ARHGEF4: variants seen among roughly 807,000 people sequenced by gnomAD.
ARHGEF4 encodes APC-stimulated guanine nucleotide exchange factor 1.
ARHGEF4 carries 119 observed loss-of-function variants against 162.0 expected under a neutral mutation model. The ratio of observed to expected loss-of-function variants is 0.73; its 90% confidence interval spans 0.63 to 0.86. The LOEUF is 0.86. ARHGEF4 is among the 40% of genes least tolerant of loss of function. The pLI is 0.00. For missense variants in ARHGEF4, 2,488 were observed against 2,456.0 expected (o/e 1.01, Z -0.28); for synonymous variants, 1,014 against 979.9 (o/e 1.03, Z -0.65).
chr2:130,873,370 C>CTT (rs1678615249), intron 1 of ARHGEF4, among the ~76,000 whole-genome samples: 1 of 152,090 alleles, frequency 6.6e-6, no homozygotes, highest in African/African-American at 2.4e-5. Context: ...GGGTGGATCA[C>CTT]CTGAGATCAG....
chr2:130,894,469 C>T (rs772160280), intron 1 of ARHGEF4, among the ~76,000 whole-genome samples: 49 of 152,108 alleles, frequency 3.2e-4, no homozygotes, highest in Non-Finnish European at 1.6e-4. Context: ...AGTAAACAAG[C>T]ACGGAGACAC....
chr2:130,855,279 TA>T (rs200744319), intron 1 of ARHGEF4, among the ~76,000 whole-genome samples: 2,307 of 152,096 alleles, frequency 0.015, 91 homozygotes, highest in East Asian at 0.15. Context: ...AGGAAGCTGG[TA>T]GGTTCATGAG....
intron 4 of ARHGEF4, among the ~76,000 whole-genome samples, chr2:130,964,770 T>G (rs1298759920): frequency 6.6e-6 from 1 of 152,236 alleles, no homozygotes; most frequent in African/African-American, 2.4e-5. Flanking sequence ...CAGCTGGTCC[T>G]GGACCCCTCT....
chr2:130,991,595 G>A (rs907824559), intron 4 of ARHGEF4, among the ~76,000 whole-genome samples: 4 of 152,366 alleles, frequency 2.6e-5, no homozygotes, highest in African/African-American at 9.6e-5. Context: ...CCGGGCCAGC[G>A]GCTGCAGAGG....
chr2:130,900,945 C>T (rs943766618), intron 1 of ARHGEF4, among the ~76,000 whole-genome samples: 11 of 152,136 alleles, frequency 7.2e-5, no homozygotes, highest in African/African-American at 2.7e-4. Context: ...CTCGCTTCTG[C>T]TTGGGCCTTC....
chr2:130,951,267 T>G (rs1683943274), intron 4 of ARHGEF4, among the ~76,000 whole-genome samples: 1 of 152,222 alleles, frequency 6.6e-6, no homozygotes, highest in South Asian at 2.1e-4. Flanking sequence ...ACTTGGCTGT[T>G]TGGCTTGAGA....
chr2:131,004,107 T>C (rs1687951040), intron 4 of ARHGEF4, among the ~76,000 whole-genome samples: 1 of 152,116 alleles, frequency 6.6e-6, no homozygotes. Flanking sequence ...GCCAGTGTGG[T>C]GCAGGCCTTC....
chr2:130,954,271 G>A (rs1684133222), intron 4 of ARHGEF4, among the ~76,000 whole-genome samples: 1 of 152,210 alleles, frequency 6.6e-6, no homozygotes, highest in African/African-American at 2.4e-5. Context: ...GATGAAGCTG[G>A]AAACCATCAT....
intron 1 of ARHGEF4, among the ~76,000 whole-genome samples, chr2:130,885,385 C>T (rs181530405): frequency 3.9e-4 from 59 of 151,132 alleles, no homozygotes; most frequent in African/African-American, 1.3e-3. Context: ...TGAGCCACCG[C>T]GCCCGGCCTA....
intron 3 of ARHGEF4, among the ~76,000 whole-genome samples, chr2:130,944,141 G>A (rs1260653556): frequency 6.6e-6 from 1 of 152,190 alleles, no homozygotes; most frequent in Non-Finnish European, 1.5e-5. Context: ...AAAATCTGCA[G>A]TCATGCAAAT....
At chr2:130,985,137 A>G (rs1449298605) in intron 4 of ARHGEF4, among the ~76,000 whole-genome samples, 3 of 152,152 alleles carry the variant, frequency 2.0e-5, no homozygotes, top group Admixed American at 6.6e-5. Context: ...CTTTGGATGT[A>G]GAGGTGCTTC....
In ARHGEF4 at chr2:131,038,835, C is replaced by T; in HGVS notation, c.4126-18C>T. ...CAGCCTCCCCCACTGACCCGCCTGC[C>T]CGTGGCTCTCTCGGCAGCTCATCAG... On this transcript the variant is annotated intron_variant, in intron 5 of 13. Coordinates refer to ENST00000409359, the MANE Select transcript of ARHGEF4 (RefSeq NM_001367493.1). 1 of 1,591,572 alleles carries T rather than the reference C, an allele frequency of 6.3e-7. No homozygotes were observed. Among genetic ancestry groups the T allele is most frequent in the Non-Finnish European group, 8.6e-7 (1 of 1,166,746 alleles).
chr2:130,838,099 C>T (rs1190375857), intron 1 of ARHGEF4, among the ~76,000 whole-genome samples: 4 of 152,142 alleles, frequency 2.6e-5, no homozygotes, highest in Non-Finnish European at 4.4e-5. Context: ...GCCGGACAGC[C>T]GGGAAGGCAG....
intron 13 of ARHGEF4, 23 bp downstream of exon 13, chr2:131,045,469 T>A (rs774448266): frequency 6.2e-7 from 1 of 1,613,490 alleles, no homozygotes; most frequent in Non-Finnish European, 8.5e-7. Context: ...CAGCCCCACC[T>A]CCTCGGCTGC....
chr2:130,844,179 G>A (rs1270386364), intron 1 of ARHGEF4, among the ~76,000 whole-genome samples: 3 of 152,276 alleles, frequency 2.0e-5, no homozygotes, highest in Non-Finnish European at 4.4e-5. Flanking sequence ...GAGAAGTGCT[G>A]TGTCTTTCTG....
chr2:130,883,717 G>A (rs988324573), intron 1 of ARHGEF4, among the ~76,000 whole-genome samples: 15 of 152,070 alleles, frequency 9.9e-5, no homozygotes, highest in South Asian at 6.2e-4. Flanking sequence ...ATGATGGCAC[G>A]TGGGTTGAGT....
intron 4 of ARHGEF4, among the ~76,000 whole-genome samples, chr2:130,978,350 C>T (rs2105243168): frequency 6.6e-6 from 1 of 152,312 alleles, no homozygotes; most frequent in Middle Eastern, 3.4e-3. Flanking sequence ...TTTCTTCTGA[C>T]ATACAATATT....
At chr2:130,929,786 G>T (rs768186839) in intron 2 of ARHGEF4, 17 of 194,230 alleles carry the variant, frequency 8.8e-5, no homozygotes, top group Non-Finnish European at 1.7e-4. Flanking sequence ...ACAGTCAGCC[G>T]TGTGAGTCTC....
chr2:130,856,676 TA>T (rs1481120104), intron 1 of ARHGEF4, among the ~76,000 whole-genome samples: 2 of 152,218 alleles, frequency 1.3e-5, no homozygotes, highest in Non-Finnish European at 2.9e-5. Context: ...GGTGGACCTA[TA>T]GCATATAGGA....
Sources: allele counts gnomAD v4.1 joint callset (sites outside exome capture counted in the v4.1 genomes callset), GRCh38; gene constraint gnomAD v4.1.1; transcripts MANE v1.5; gene names NCBI Gene and HGNC (gene_info 2026-07-23, HGNC 2026-07-21).